The following CDS1 variants were observed in gnomAD, a reference collection of about 807,000 sequenced individuals.
CDS1 encodes the protein CDP-diacylglycerol synthase 1, also known as phosphatidate cytidylyltransferase 1.
A neutral mutation model predicts 62.1 loss-of-function variants in CDS1; 41 were observed. That is an observed-to-expected ratio of 0.66 (90% CI 0.51 to 0.86). The LOEUF (loss-of-function observed/expected upper bound fraction) is 0.86, where lower values mean the gene tolerates loss of function less well. Among genes scored for constraint, CDS1 ranks in the 40% least tolerant of loss-of-function variants. The pLI, the probability that CDS1 is intolerant of heterozygous loss-of-function variation, is 0.00. For missense variants in CDS1, 470 were observed against 550.1 expected (o/e 0.85, Z 1.46); for synonymous variants, 185 against 192.6 (o/e 0.96, Z 0.32).
chr4:84,584,079 C>T (rs1399369360), intron 1 of CDS1, among the ~76,000 whole-genome samples: 1 of 152,172 alleles, frequency 6.6e-6, no homozygotes, highest in East Asian at 1.9e-4. Context: ...TAATAGTAAT[C>T]TTCCAGCTTC....
At position 84,624,273 on chromosome 4, in the gene CDS1, C is replaced by CA. The variant is rs1268924462; in HGVS notation, c.580+4753dup. Among the ~76,000 whole-genome samples, 514 of 56,120 alleles carry CA rather than the reference C, an allele frequency of 9.2e-3. 5 individuals carry two copies. Among genetic ancestry groups the CA allele is most frequent in the Non-Finnish European group, 0.013 (350 of 26,134 alleles). 36.8% of individuals were successfully genotyped at this position (56,120 alleles called of 152,430 possible). On this transcript the variant is annotated intron_variant, in intron 5 of 12. Coordinates refer to ENST00000295887, the MANE Select transcript of CDS1 (RefSeq NM_001263.4). ...TGGGAGACAGAGCAAGACTCTGTCT[C>CA]AAAAAAAAAAAAACAAACAAAAAAA...
intron 3 of CDS1, among the ~76,000 whole-genome samples, chr4:84,616,283 C>T (rs1274587615): frequency 2.0e-5 from 3 of 152,114 alleles, no homozygotes; most frequent in Admixed American, 2.0e-4. Flanking sequence ...CCTACAAGTA[C>T]TGTTTATGGT....
intron 7 of CDS1, 38 bp from the exon 8 acceptor site, chr4:84,635,225 CT>C: frequency 8.8e-7 from 1 of 1,140,926 alleles, no homozygotes. Flanking sequence ...CTCAGGTGAA[CT>C]TTTTTCTGCT....
rs1723607662 is a variant in CDS1 at position 84,619,511 on chromosome 4, A to G, written c.558A>G (p.Ile186Met). 2 of 1,598,824 alleles carry G rather than the reference A, an allele frequency of 1.3e-6. No individual in the cohort carries two copies. The highest frequency in any genetic ancestry group is 2.2e-5 in the East Asian group (1 of 44,546). The change falls in exon 5 of 13, where the codon ATA (isoleucine) becomes ATG (methionine). Residue 186 changes from isoleucine (I) to methionine (M), a missense_variant. Transcript: ENST00000295887. ...TCCTCATTCGCTACCATAGATTTAT[A>G]TCATTTGCCCTCTATCTGGCAGGTA... ...LQFLIRYHRFISFALYLAGFC... is the reference protein window; with the variant it reads ...LQFLIRYHRFMSFALYLAGFC...
intron 4 of CDS1, among the ~76,000 whole-genome samples, chr4:84,617,866 G>A (rs1723548002): frequency 1.3e-5 from 2 of 151,754 alleles, no homozygotes; most frequent in Admixed American, 1.3e-4. Context: ...TCATATTTTA[G>A]TCTTTGTAGA....
chr4:84,624,373 G>A lies in CDS1; in HGVS notation c.580+4840G>A, dbSNP rs73831548. ...TTTAGACTAGAAAGGAGTATTCCAT[G>A]AAATCCTCCTCCACCTCAGTGCCTT... On this transcript the variant is annotated intron_variant, in intron 5 of 12. Transcript: ENST00000295887. Among the ~76,000 whole-genome samples the A allele has an allele frequency of 6.3e-3, 948 of 150,520 alleles. 14 individuals carry two copies. The highest frequency in any genetic ancestry group is 0.022 in the African/African-American group (917 of 40,962).
At chr4:84,632,061 A>C (rs953550760) in intron 6 of CDS1, among the ~76,000 whole-genome samples, 184 bp downstream of exon 6, 2 of 152,208 alleles carry the variant, frequency 1.3e-5, no homozygotes, top group Non-Finnish European at 2.9e-5. Flanking sequence ...TGAGGATTTT[A>C]AAATTTTAAC....
intron 6 of CDS1, among the ~76,000 whole-genome samples, chr4:84,633,174 G>A (rs530951309): frequency 6.6e-6 from 1 of 152,266 alleles, no homozygotes; most frequent in African/African-American, 2.4e-5. Flanking sequence ...ATTTTTAAAA[G>A]TAATTTTATG....
chr4:84,641,758 C>T (rs1443562221), intron 10 of CDS1, among the ~76,000 whole-genome samples: 1 of 152,140 alleles, frequency 6.6e-6, no homozygotes, highest in Non-Finnish European at 1.5e-5. Context: ...GTCATCAGGT[C>T]TGGTGAGTGG....
chr4:84,599,591 G>C (rs1258573177), intron 1 of CDS1, among the ~76,000 whole-genome samples: 1 of 150,988 alleles, frequency 6.6e-6, no homozygotes, highest in Non-Finnish European at 1.5e-5. Context: ...TGCATTTTCT[G>C]GAATTTTATA....
At chr4:84,620,082 T>C (rs1313828456) in intron 5 of CDS1, among the ~76,000 whole-genome samples, 2 of 150,598 alleles carry the variant, frequency 1.3e-5, no homozygotes, top group Non-Finnish European at 3.0e-5. Flanking sequence ...TCTTTGCAAA[T>C]TGTAGTAAAA....
In CDS1 at chr4:84,639,520, T is replaced by A. The variant is rs537003456; in HGVS notation, c.879+528T>A. On this transcript the variant is annotated intron_variant, in intron 9 of 12. Coordinates refer to ENST00000295887, the MANE Select transcript of CDS1 (RefSeq NM_001263.4). ...TTGCTTTTAGCATGTTAAATAGCTA[T>A]TTTTCATGTTTTACAAATTAGTTTA... Among the ~76,000 whole-genome samples, 5 of 152,340 alleles carry A rather than the reference T, an allele frequency of 3.3e-5. No individual in the cohort carries two copies. The South Asian group carries it at 1.0e-3, about 32-fold the overall frequency.
intron 1 of CDS1, among the ~76,000 whole-genome samples, chr4:84,592,273 G>C (rs2110035477): frequency 7.0e-6 from 1 of 142,178 alleles, no homozygotes; most frequent in East Asian, 2.2e-4. Flanking sequence ...CCCGTTTCAA[G>C]CAACTCTCCC....
chr4:84,635,156 C>G (rs1724138382), intron 7 of CDS1, 108 bp from the exon 8 acceptor site: 2 of 626,204 alleles, frequency 3.2e-6, no homozygotes, highest in Non-Finnish European at 5.5e-6. Flanking sequence ...CAGTGCAATC[C>G]AAAGGGTTAT....
intron 5 of CDS1, among the ~76,000 whole-genome samples, chr4:84,620,669 A>AT: frequency 2.0e-5 from 3 of 152,360 alleles, no homozygotes; most frequent in Admixed American, 2.0e-4. Flanking sequence ...TTTACAGATC[A>AT]TAAAAACCCC....
chr4:84,588,099 A>G (rs1722473053), intron 1 of CDS1, among the ~76,000 whole-genome samples: 1 of 152,164 alleles, frequency 6.6e-6, no homozygotes, highest in Non-Finnish European at 1.5e-5. Context: ...GGGGTGAAAT[A>G]TTCTGATTTC....
At chr4:84,602,436 A>T (rs1459662038) in intron 1 of CDS1, among the ~76,000 whole-genome samples, 1 of 152,134 alleles carries the variant, frequency 6.6e-6, no homozygotes, top group Non-Finnish European at 1.5e-5. Flanking sequence ...ATGCTAGTCT[A>T]ATGGTTTTAG....
chr4:84,622,478 A>G (rs1723719005), intron 5 of CDS1, among the ~76,000 whole-genome samples: 1 of 152,168 alleles, frequency 6.6e-6, no homozygotes, highest in African/African-American at 2.4e-5. Flanking sequence ...CTGTAATCCC[A>G]GCTATCTGGG....
intron 1 of CDS1, among the ~76,000 whole-genome samples, chr4:84,595,365 G>A (rs1722717641): frequency 1.3e-5 from 2 of 152,142 alleles, no homozygotes; most frequent in East Asian, 3.9e-4. Context: ...CAGTCAGCTG[G>A]GGGGGCTTGG....
Sources: gnomAD v4.1 joint callset for allele counts (sites outside exome capture counted in the v4.1 genomes callset) on GRCh38, gnomAD v4.1.1 for gene constraint, MANE v1.5 for transcripts, NCBI Gene and HGNC (gene_info 2026-07-23, HGNC 2026-07-21) for gene names.